The following SLC26A7 variants were observed in gnomAD, a reference collection of about 807,000 sequenced individuals.
SLC26A7 encodes anion exchange transporter.
In SLC26A7, 59 loss-of-function variants were observed where a neutral mutation model predicts 82.5. The observed-to-expected ratio is 0.72, with a 90% confidence interval of 0.58 to 0.89. The LOEUF is 0.89. SLC26A7 is among the 40% of genes least tolerant of loss of function. The pLI is 0.00. For synonymous variants in SLC26A7, 271 were observed against 274.3 expected (o/e 0.99, Z 0.12); for missense variants, 820 against 793.0 (o/e 1.03, Z -0.41).
At chr8:91,319,983 TG>T (rs1482447478) in intron 5 of SLC26A7, among the ~76,000 whole-genome samples, 1 of 152,230 alleles carries the variant, frequency 6.6e-6, no homozygotes, top group African/African-American at 2.4e-5. Flanking sequence ...TGTGTGATTT[TG>T]TTTTTCATTT....
chr8:91,359,211 C>A (rs1442768433), intron 11 of SLC26A7, among the ~76,000 whole-genome samples: 2 of 152,132 alleles, frequency 1.3e-5, no homozygotes, highest in African/African-American at 2.4e-5. Flanking sequence ...ACTGAGATAT[C>A]ATTAATAATT....
At chr8:91,341,518 C>A (rs1813413233) in intron 8 of SLC26A7, among the ~76,000 whole-genome samples, 1 of 152,128 alleles carries the variant, frequency 6.6e-6, no homozygotes, top group Non-Finnish European at 1.5e-5. Flanking sequence ...CACTATGTGA[C>A]CTTAATCTTC....
chr8:91,219,741 C>T (rs1460177586), intron 2 of SLC26A7, among the ~76,000 whole-genome samples: 16 of 152,150 alleles, frequency 1.1e-4, no homozygotes, highest in Admixed American at 6.6e-4. Flanking sequence ...TTATCTGGCT[C>T]CACTCCAGAA....
chr8:91,302,499 T>C (rs141453187), intron 4 of SLC26A7, among the ~76,000 whole-genome samples: 51 of 152,258 alleles, frequency 3.3e-4, no homozygotes, highest in Non-Finnish European at 4.7e-4. Context: ...TATACAACCA[T>C]AATAATGTAA....
chr8:91,322,246 T>G (rs1812811273), intron 5 of SLC26A7, among the ~76,000 whole-genome samples: 1 of 152,190 alleles, frequency 6.6e-6, no homozygotes, highest in South Asian at 2.1e-4. Context: ...AAAAAAGCTA[T>G]GTTTTTTAGT....
chr8:91,257,374 T>C (rs1810833245), intron 2 of SLC26A7, among the ~76,000 whole-genome samples: 1 of 152,148 alleles, frequency 6.6e-6, no homozygotes, highest in South Asian at 2.1e-4. Flanking sequence ...TTGATCCCTC[T>C]TGTCTCAGCT....
chr8:91,246,282 G>C (rs1464689807), upstream of SLC26A7, among the ~76,000 whole-genome samples: 1 of 152,112 alleles, frequency 6.6e-6, no homozygotes. Context: ...AAGAAGCAAA[G>C]CAATTTATGT....
intron 9 of SLC26A7, among the ~76,000 whole-genome samples, chr8:91,349,157 G>A (rs964899161): frequency 2.0e-5 from 3 of 152,146 alleles, no homozygotes; most frequent in Non-Finnish European, 2.9e-5. Context: ...GAGCTTAAGA[G>A]TTTCTTGTCT....
At chr8:91,256,430 C>T (rs1810804767) in intron 2 of SLC26A7, among the ~76,000 whole-genome samples, 1 of 152,096 alleles carries the variant, frequency 6.6e-6, no homozygotes, top group Admixed American at 6.6e-5. Flanking sequence ...AAGGGGCCAG[C>T]TATTTATTAT....
At chr8:91,317,613 A>T (rs1334158259) in intron 4 of SLC26A7, among the ~76,000 whole-genome samples, 5 of 152,184 alleles carry the variant, frequency 3.3e-5, no homozygotes, top group Admixed American at 6.5e-5. Context: ...GTCAAAGAGT[A>T]TGTTCCCATT....
intron 4 of SLC26A7, among the ~76,000 whole-genome samples, chr8:91,304,878 G>T (rs754634916): frequency 5.9e-5 from 9 of 152,108 alleles, no homozygotes; most frequent in Non-Finnish European, 7.4e-5. Context: ...GGCATGCCAG[G>T]CCCCTTCTCA....
chr8:91,253,225 A>G (rs1347946526), intron 2 of SLC26A7, among the ~76,000 whole-genome samples: 1 of 152,098 alleles, frequency 6.6e-6, no homozygotes, highest in Admixed American at 6.6e-5. Flanking sequence ...AACTCAGGTA[A>G]TCTGGCTCCT....
intron 4 of SLC26A7, among the ~76,000 whole-genome samples, chr8:91,310,642 T>C (rs190801097): frequency 6.6e-6 from 1 of 152,276 alleles, no homozygotes; most frequent in African/African-American, 2.4e-5. Flanking sequence ...TGGCAGAGTT[T>C]AACTGGTATA....
chr8:91,315,491 C>A (rs1812603601), intron 4 of SLC26A7, among the ~76,000 whole-genome samples: 1 of 151,858 alleles, frequency 6.6e-6, no homozygotes, highest in Admixed American at 6.6e-5. Context: ...CCACTTGTGC[C>A]CACACAATTG....
intron 4 of SLC26A7, among the ~76,000 whole-genome samples, chr8:91,312,703 G>C (rs1288818546): frequency 1.3e-5 from 2 of 151,812 alleles, no homozygotes; most frequent in East Asian, 1.9e-4. Context: ...ACGGATGTGA[G>C]GTGCTCTCTC....
chr8:91,267,696 A>G (rs1811152185), intron 2 of SLC26A7, among the ~76,000 whole-genome samples: 1 of 151,798 alleles, frequency 6.6e-6, no homozygotes, highest in African/African-American at 2.4e-5. Flanking sequence ...TCTATCTTTA[A>G]GAAATACCCA....
Position 91,369,768 on chromosome 8 carries a change from GTTTGTT to G in SLC26A7, c.1627-13_1627-8del, listed in dbSNP as rs754667046. 3.9e-6 allele frequency: 6 copies of G among 1,551,538 alleles called. No individual in the cohort carries two copies. Among genetic ancestry groups the G allele is most frequent in the Non-Finnish European group, 5.2e-6 (6 of 1,145,582 alleles). ...ATTTTATAACATTTTTCTTCTTTAT[GTTTGTT>G]TTTATTTTAGTGTGAACAAAACACA... On this transcript the variant is annotated splice_polypyrimidine_tract_variant and intron_variant, in intron 14 of 18. Transcript: ENST00000276609.
chr8:91,323,818 CTTTTTTTT>C (rs3086210), intron 5 of SLC26A7, among the ~76,000 whole-genome samples: 8,068 of 117,190 alleles, frequency 0.069, 272 homozygotes, highest in African/African-American at 0.083. Context: ...TTTTTCTTAT[CTTTTTTTT>C]TTTTTTTTTT....
intron 14 of SLC26A7, 79 bp from the exon 15 acceptor site, chr8:91,369,706 T>C (rs913650631): frequency 5.6e-6 from 6 of 1,061,954 alleles, no homozygotes; most frequent in Non-Finnish European, 6.7e-6. Context: ...TCTTTATAAG[T>C]AAAAGAATTA....
Sources: allele counts gnomAD v4.1 joint callset (sites outside exome capture counted in the v4.1 genomes callset), GRCh38; gene constraint gnomAD v4.1.1; transcripts MANE v1.5; gene names NCBI Gene and HGNC (gene_info 2026-07-23, HGNC 2026-07-21).